TLN2: variants seen among roughly 807,000 people sequenced by gnomAD.
TLN2 encodes talin 2.
TLN2 carries 118 observed loss-of-function variants against 294.7 expected under a neutral mutation model. The observed-to-expected ratio is 0.40, with a 90% confidence interval of 0.34 to 0.47. TLN2 has a LOEUF of 0.47. Among genes scored for constraint, TLN2 ranks in the 20% least tolerant of loss-of-function variants. The pLI, the probability that TLN2 is intolerant of heterozygous loss-of-function variation, is 0.84. For missense variants in TLN2, 3,083 were observed against 3,282.2 expected (o/e 0.94, Z 1.48); for synonymous variants, 1,431 against 1,304.5 (o/e 1.10, Z -2.09).
At chr15:62,585,373 A>G (rs772627385) in intron 1 of TLN2, among the ~76,000 whole-genome samples, 23 of 152,272 alleles carry the variant, frequency 1.5e-4, no homozygotes, top group Middle Eastern at 6.8e-3. Context: ...TAAAAACTTC[A>G]CGTATGCTCT....
chr15:62,571,080 G>A (rs1044218188), intron 1 of TLN2, among the ~76,000 whole-genome samples: 1 of 152,196 alleles, frequency 6.6e-6, no homozygotes, highest in Non-Finnish European at 1.5e-5. Context: ...CAACATGATT[G>A]GCTGTTCACT....
At chr15:62,718,360 G>A (rs1366328187) in intron 24 of TLN2, among the ~76,000 whole-genome samples, 1 of 152,196 alleles carries the variant, frequency 6.6e-6, no homozygotes, top group Non-Finnish European at 1.5e-5. Flanking sequence ...GGCATGTCCT[G>A]GAAGTATTTG....
intron 1 of TLN2, among the ~76,000 whole-genome samples, chr15:62,532,520 C>G (rs1175923259): frequency 2.0e-5 from 3 of 152,188 alleles, no homozygotes; most frequent in Non-Finnish European, 2.9e-5. Context: ...GACATGCTGC[C>G]CACTGTCCCT....
chr15:62,575,188 C>CA (rs2044282349), intron 1 of TLN2, among the ~76,000 whole-genome samples: 1 of 152,012 alleles, frequency 6.6e-6, no homozygotes, highest in South Asian at 2.1e-4. Context: ...TGGCATGTGC[C>CA]AGTAGTCCCA....
intron 44 of TLN2, 83 bp downstream of exon 44, chr15:62,781,324 G>C: frequency 1.9e-6 from 2 of 1,077,488 alleles, no homozygotes; most frequent in Admixed American, 1.8e-5. Flanking sequence ...TCCCAGATCT[G>C]TGTCAGAGAG....
At chr15:62,658,741 G>A (rs1042469440) in intron 9 of TLN2, among the ~76,000 whole-genome samples, 10 of 152,152 alleles carry the variant, frequency 6.6e-5, no homozygotes, top group African/African-American at 2.4e-4. Flanking sequence ...CAGGAACCTC[G>A]GGAAGCTTCC....
intron 52 of TLN2, among the ~76,000 whole-genome samples, chr15:62,815,231 ACT>A (rs1178742171): frequency 7.0e-4 from 83 of 119,226 alleles, no homozygotes; most frequent in African/African-American, 2.1e-3. Context: ...ACACACACAC[ACT>A]CACTCGCTCT....
intron 32 of TLN2, among the ~76,000 whole-genome samples, chr15:62,743,303 C>G (rs1422173502): frequency 2.0e-5 from 3 of 151,982 alleles, no homozygotes; most frequent in Non-Finnish European, 4.4e-5. Flanking sequence ...GGACCCAGGC[C>G]TGGACCAACT....
intron 1 of TLN2, among the ~76,000 whole-genome samples, chr15:62,414,597 T>G (rs2033974609): frequency 7.1e-6 from 1 of 141,088 alleles, no homozygotes; most frequent in African/African-American, 2.5e-5. Context: ...ACACAGAGGT[T>G]TGAGAACCGC....
chr15:62,728,042 A>G (rs1205476253), intron 28 of TLN2, among the ~76,000 whole-genome samples: 2 of 152,174 alleles, frequency 1.3e-5, no homozygotes, highest in African/African-American at 4.8e-5. Context: ...AGGTCTCACA[A>G]ATTGAAAGCA....
intron 11 of TLN2, among the ~76,000 whole-genome samples, chr15:62,682,330 C>T (rs1253982828): frequency 6.6e-6 from 1 of 152,128 alleles, no homozygotes; most frequent in Non-Finnish European, 1.5e-5. Context: ...TTGGAAAATT[C>T]ATTCTTAGCT....
At chr15:62,825,836 A>ATAT in intron 54 of TLN2, among the ~76,000 whole-genome samples, 1 of 77,052 alleles carries the variant, frequency 1.3e-5, no homozygotes, top group African/African-American at 8.2e-5. Flanking sequence ...TATAATATAT[A>ATAT]ATATATATAA....
At chr15:62,422,132 T>A (rs560567857) in intron 1 of TLN2, among the ~76,000 whole-genome samples, 11 of 149,118 alleles carry the variant, frequency 7.4e-5, no homozygotes, top group Middle Eastern at 3.4e-3. Context: ...TGGTGGCACA[T>A]GTCTGTAATC....
intron 16 of TLN2, among the ~76,000 whole-genome samples, chr15:62,700,131 C>G (rs891542318): frequency 6.6e-6 from 1 of 152,184 alleles, no homozygotes. Context: ...TTGGGGAACT[C>G]CAGAGTACAA....
intron 50 of TLN2, 22 bp downstream of exon 50, chr15:62,800,791 C>T (rs1364053378): frequency 1.9e-6 from 3 of 1,590,412 alleles, no homozygotes; most frequent in Non-Finnish European, 2.6e-6. Context: ...GCAGTTACCT[C>T]CCTTGGGTAC....
At chr15:62,811,477 T>C (rs1368792116) in intron 52 of TLN2, among the ~76,000 whole-genome samples, 1 of 152,222 alleles carries the variant, frequency 6.6e-6, no homozygotes. Context: ...TTTTTCATTA[T>C]GGAACAGTAT....
At chr15:62,528,233 C>A (rs1366391090) in intron 1 of TLN2, among the ~76,000 whole-genome samples, 1 of 152,096 alleles carries the variant, frequency 6.6e-6, no homozygotes, top group Non-Finnish European at 1.5e-5. Context: ...CATATGTAAT[C>A]ATTTCCTGTA....
intron 24 of TLN2, 63 bp downstream of exon 24, chr15:62,717,752 C>T: frequency 1.7e-6 from 2 of 1,197,940 alleles, no homozygotes; most frequent in South Asian, 3.6e-5. Flanking sequence ...ATTAGAACAC[C>T]AAGTCCCCTG....
At chr15:62,740,790 G>A (rs766450578) in intron 32 of TLN2, 21 bp downstream of exon 32, 11 of 1,613,890 alleles carry the variant, frequency 6.8e-6, no homozygotes, top group South Asian at 3.3e-5. Context: ...GACACAATGT[G>A]CTTTCGTGTG....
Sources: allele counts gnomAD v4.1 joint callset (sites outside exome capture counted in the v4.1 genomes callset), GRCh38; gene constraint gnomAD v4.1.1; transcripts MANE v1.5; gene names NCBI Gene and HGNC (gene_info 2026-07-23, HGNC 2026-07-21).